The following ANKH variants were observed in gnomAD, a reference collection of about 807,000 sequenced individuals.
The protein encoded by ANKH is mineralization regulator ANKH.
Under a neutral mutation model 49.0 loss-of-function variants are expected in ANKH, and 15 were observed. That is an observed-to-expected ratio of 0.31 (90% confidence interval 0.20 to 0.47). The LOEUF (loss-of-function observed/expected upper bound fraction) is 0.47, where lower values mean the gene tolerates loss of function less well. Among genes scored for constraint, ANKH ranks in the 20% least tolerant of loss-of-function variants. ANKH has a pLI of 1.00. For missense variants in ANKH, 429 were observed against 652.0 expected, an observed-to-expected ratio of 0.66 and a Z score of 3.72; for synonymous variants, 273 against 260.0, an observed-to-expected ratio of 1.05 and a Z score of -0.48.
intron 3 of ANKH, among the ~76,000 whole-genome samples, chr5:14,757,425 TA>T (rs1382576424): frequency 1.7e-4 from 22 of 133,206 alleles, no homozygotes; most frequent in African/African-American, 5.2e-4. Context: ...TATATATATA[TA>T]TATATTTTTT....
chr5:14,786,609 C>T (rs151231717), intron 1 of ANKH, among the ~76,000 whole-genome samples: 172 of 152,010 alleles, frequency 1.1e-3, no homozygotes, highest in African/African-American at 4.1e-3. Context: ...CAGCCAAAGT[C>T]AGAGAAAGAA....
At chr5:14,845,843 CT>C (rs59264153) in intron 1 of ANKH, among the ~76,000 whole-genome samples, 35 of 82,558 alleles carry the variant, frequency 4.2e-4, no homozygotes, top group East Asian at 1.7e-3. Flanking sequence ...CCTATGCACA[CT>C]TTTTTTTTTT....
At chr5:14,728,531 C>T (rs1205709907) in intron 8 of ANKH, among the ~76,000 whole-genome samples, 2 of 152,158 alleles carry the variant, frequency 1.3e-5, no homozygotes, top group African/African-American at 2.4e-5. Context: ...CACCTCACGG[C>T]GTGGGGGTGG....
At chr5:14,722,020 A>G (rs1737687826) in intron 8 of ANKH, among the ~76,000 whole-genome samples, 1 of 151,560 alleles carries the variant, frequency 6.6e-6, no homozygotes, top group African/African-American at 2.4e-5. Flanking sequence ...AGCTTCCCCT[A>G]GGCAAAGTAC....
At chr5:14,792,333 T>C (rs114976837) in intron 1 of ANKH, among the ~76,000 whole-genome samples, 2 of 151,964 alleles carry the variant, frequency 1.3e-5, no homozygotes, top group Non-Finnish European at 2.9e-5. Context: ...TGGACTAGAG[T>C]GGCAAAAAAC....
rs981550935 is a variant in ANKH, at chr5:14,788,435, G to A, written c.97-19244C>T. Among the ~76,000 whole-genome samples, 5 of 152,210 alleles carry A rather than the reference G, an allele frequency of 3.3e-5. No homozygotes were observed. The East Asian group carries it at 5.8e-4, about 18-fold the overall frequency. ...CTCTTGGTTGAGGAATGTGCATGAC[G>A]TGGTGGCCAAACTGTTAACTTTTTA... On this transcript the variant is annotated intron_variant, in intron 1 of 11. Coordinates refer to ENST00000284268, the MANE Select transcript of ANKH (RefSeq NM_054027.6).
intron 1 of ANKH, among the ~76,000 whole-genome samples, chr5:14,814,202 G>A (rs557823323): frequency 1.6e-4 from 25 of 152,154 alleles, no homozygotes; most frequent in Non-Finnish European, 3.7e-4. Flanking sequence ...TAGCTTTGTC[G>A]TTAGTTATTT....
intron 1 of ANKH, among the ~76,000 whole-genome samples, chr5:14,807,994 G>C (rs1740757002): frequency 6.6e-6 from 1 of 152,162 alleles, no homozygotes; most frequent in Admixed American, 6.5e-5. Flanking sequence ...AAATGTTATT[G>C]CTGGTCATTT....
At chr5:14,855,848 GAAA>G in intron 1 of ANKH, among the ~76,000 whole-genome samples, 2 of 119,900 alleles carry the variant, frequency 1.7e-5, no homozygotes, top group African/African-American at 6.1e-5. Context: ...AAAAGAAAAA[GAAA>G]AAAAAAAAAA....
chr5:14,752,880 G>A (rs1738765495), intron 4 of ANKH, among the ~76,000 whole-genome samples: 1 of 152,138 alleles, frequency 6.6e-6, no homozygotes, highest in African/African-American at 2.4e-5. Flanking sequence ...GAAAAAGACA[G>A]TGAGTAGAAG....
intron 11 of ANKH, among the ~76,000 whole-genome samples, chr5:14,711,784 T>G (rs910946239): frequency 6.6e-6 from 1 of 152,240 alleles, no homozygotes; most frequent in East Asian, 1.9e-4. Flanking sequence ...CCTGTCCTAG[T>G]TCCTGGTCAC....
intron 1 of ANKH, among the ~76,000 whole-genome samples, chr5:14,867,839 T>C (rs2921604): frequency 0.46 from 69,373 of 152,144 alleles, 16,037 homozygotes; most frequent in Middle Eastern, 0.56. Flanking sequence ...CCATTTTCTA[T>C]GGTGCCTATG....
At chr5:14,862,398 G>A (rs1735521650) in intron 1 of ANKH, among the ~76,000 whole-genome samples, 1 of 152,176 alleles carries the variant, frequency 6.6e-6, no homozygotes, top group Admixed American at 6.5e-5. Flanking sequence ...ACTGGTATTT[G>A]GTTGTTGGAA....
chr5:14,732,339 T>C (rs1738032597), intron 8 of ANKH, among the ~76,000 whole-genome samples: 1 of 152,044 alleles, frequency 6.6e-6, no homozygotes, highest in Non-Finnish European at 1.5e-5. Context: ...AAATGGTTCA[T>C]ACAGGGGTCA....
rs1435265945 is a variant in ANKH, at chr5:14,835,268, T to C, written c.96+36084A>G. Among the ~76,000 whole-genome samples, 4 of 152,198 alleles carry C rather than the reference T, an allele frequency of 2.6e-5. No individual in the cohort carries two copies. The East Asian group carries it at 7.7e-4, about 29-fold the overall frequency. Reference sequence around the variant, plus strand: ...TGTTGAGACTGAAAGAGATGAGTGTTGCTCAGCGAGATGACTGCTGTCCCT... The same window carrying C: ...TGTTGAGACTGAAAGAGATGAGTGTCGCTCAGCGAGATGACTGCTGTCCCT... On this transcript the variant is annotated intron_variant, in intron 1 of 11. Coordinates refer to ENST00000284268, the MANE Select transcript of ANKH (RefSeq NM_054027.6).
At chr5:14,808,247 T>C (rs962193085) in intron 1 of ANKH, among the ~76,000 whole-genome samples, 4 of 148,526 alleles carry the variant, frequency 2.7e-5, no homozygotes, top group Non-Finnish European at 4.5e-5. Flanking sequence ...TTTTTCTACA[T>C]GTACATTTTT....
intron 8 of ANKH, among the ~76,000 whole-genome samples, chr5:14,738,266 C>T (rs1738247915): frequency 6.6e-6 from 1 of 152,188 alleles, no homozygotes; most frequent in Admixed American, 6.5e-5. Context: ...CGGTATTTTT[C>T]ACAGGCAAAG....
At chr5:14,730,450 C>A (rs1053642661) in intron 8 of ANKH, among the ~76,000 whole-genome samples, 1 of 152,256 alleles carries the variant, frequency 6.6e-6, no homozygotes, top group East Asian at 1.9e-4. Flanking sequence ...AAGACAAATT[C>A]TCTCCCAACA....
chr5:14,728,520 C>T (rs1737891295), intron 8 of ANKH, among the ~76,000 whole-genome samples: 1 of 152,216 alleles, frequency 6.6e-6, no homozygotes, highest in Non-Finnish European at 1.5e-5. Context: ...GTGGCAGTCT[C>T]CACCTCACGG....
Sources: gnomAD v4.1 joint callset for allele counts (sites outside exome capture counted in the v4.1 genomes callset) on GRCh38, gnomAD v4.1.1 for gene constraint, MANE v1.5 for transcripts, NCBI Gene and HGNC (gene_info 2026-07-23, HGNC 2026-07-21) for gene names.